The following DSCAM variants were observed in gnomAD, a reference collection of about 807,000 sequenced individuals.
The protein encoded by DSCAM is DS cell adhesion molecule, also known as cell adhesion molecule DSCAM.
In DSCAM, 47 loss-of-function variants were observed where a neutral mutation model predicts 217.7. The ratio of observed to expected loss-of-function variants is 0.22; its 90% confidence interval spans 0.17 to 0.28. The LOEUF is 0.28. DSCAM is among the 10% of genes least tolerant of loss of function. The probability of loss-of-function intolerance (pLI) is 1.00; values close to 1 mark genes in which losing one functional copy is unlikely to be tolerated. For synonymous variants in DSCAM, 1,056 were observed against 1,015.3 expected (o/e 1.04, Z -0.76); for missense variants, 2,080 against 2,618.3 (o/e 0.79, Z 4.49).
chr21:40,457,810 A>G (rs748254410), intron 3 of DSCAM, among the ~76,000 whole-genome samples: 6 of 152,204 alleles, frequency 3.9e-5, no homozygotes, highest in Non-Finnish European at 8.8e-5. Flanking sequence ...AGTATTTACA[A>G]ATATCAAATA....
chr21:40,417,832 CA>C (rs200012919), intron 3 of DSCAM, among the ~76,000 whole-genome samples: 31 of 150,996 alleles, frequency 2.1e-4, no homozygotes, highest in South Asian at 4.2e-4. Context: ...TAACAAAATA[CA>C]AAAAAAAAGT....
At chr21:40,209,275 CA>C (rs2091158293) in intron 11 of DSCAM, among the ~76,000 whole-genome samples, 1 of 152,156 alleles carries the variant, frequency 6.6e-6, no homozygotes, top group Non-Finnish European at 1.5e-5. Flanking sequence ...GGTGTGTGGC[CA>C]ACCCTGGACC....
intron 3 of DSCAM, among the ~76,000 whole-genome samples, chr21:40,597,234 G>A (rs2077027884): frequency 6.6e-6 from 1 of 152,086 alleles, no homozygotes; most frequent in South Asian, 2.1e-4. Context: ...CTGACTGGAG[G>A]GCACTGCTAC....
At chr21:40,524,517 G>A (rs1007383154) in intron 3 of DSCAM, among the ~76,000 whole-genome samples, 4 of 151,692 alleles carry the variant, frequency 2.6e-5, no homozygotes, top group South Asian at 2.1e-4. Flanking sequence ...ATTTTTCAGC[G>A]CTTTCTGTGT....
chr21:40,529,404 C>T (rs1430663659), intron 3 of DSCAM, among the ~76,000 whole-genome samples: 2 of 152,194 alleles, frequency 1.3e-5, no homozygotes, highest in African/African-American at 4.8e-5. Context: ...GCACAGGAAT[C>T]ATATTTGCAC....
intron 11 of DSCAM, among the ~76,000 whole-genome samples, chr21:40,262,142 A>G (rs2073461651): frequency 6.6e-6 from 1 of 152,050 alleles, no homozygotes; most frequent in South Asian, 2.1e-4. Context: ...AAGAAAAGAG[A>G]CCTCAGAATA....
chr21:40,615,537 T>TC (rs947060797), intron 3 of DSCAM: 1 of 152,080 alleles, frequency 6.6e-6, no homozygotes, highest in Non-Finnish European at 1.5e-5. Context: ...GGCTAAATAT[T>TC]CCCCAACAAA....
intron 15 of DSCAM, among the ~76,000 whole-genome samples, chr21:40,170,708 G>C (rs542983310): frequency 2.6e-5 from 4 of 152,258 alleles, no homozygotes; most frequent in Admixed American, 2.0e-4. Context: ...AAAAGCACAC[G>C]GTTTTCCATA....
chr21:40,241,941 AATG>A (rs577292463), intron 11 of DSCAM, among the ~76,000 whole-genome samples: 141 of 152,306 alleles, frequency 9.3e-4, no homozygotes, highest in African/African-American at 3.2e-3. Context: ...GTGGGAGCTA[AATG>A]ATGAGAACTT....
intron 3 of DSCAM, among the ~76,000 whole-genome samples, chr21:40,673,963 A>G (rs1337432011): frequency 1.3e-5 from 2 of 152,228 alleles, no homozygotes; most frequent in African/African-American, 4.8e-5. Flanking sequence ...ATGGACTAAT[A>G]CATCTAAAAA....
intron 32 of DSCAM, among the ~76,000 whole-genome samples, chr21:40,023,088 G>A (rs1324508578): frequency 4.2e-5 from 6 of 142,136 alleles, no homozygotes; most frequent in Non-Finnish European, 6.0e-5. Context: ...TGATCTCATT[G>A]TTCAATTCCC....
At chr21:40,249,207 G>A (rs561489219) in intron 11 of DSCAM, among the ~76,000 whole-genome samples, 1 of 152,312 alleles carries the variant, frequency 6.6e-6, no homozygotes, top group Admixed American at 6.5e-5. Context: ...AGCTGATATG[G>A]TTTGGCTCTG....
intron 1 of DSCAM, among the ~76,000 whole-genome samples, chr21:40,723,780 G>A (rs1176972217): frequency 6.6e-6 from 1 of 152,022 alleles, no homozygotes; most frequent in Non-Finnish European, 1.5e-5. Flanking sequence ...AGGATGAGTG[G>A]CTGACAAAAA....
intron 20 of DSCAM, among the ~76,000 whole-genome samples, chr21:40,115,334 AG>A (rs1389252742): frequency 6.6e-6 from 1 of 152,130 alleles, no homozygotes; most frequent in Non-Finnish European, 1.5e-5. Context: ...AAACGCCGCA[AG>A]TTCTCACTCA....
At chr21:40,452,087 A>C (rs545447725) in intron 3 of DSCAM, among the ~76,000 whole-genome samples, 1 of 152,288 alleles carries the variant, frequency 6.6e-6, no homozygotes, top group Non-Finnish European at 1.5e-5. Context: ...CCCATTATAC[A>C]CAAAATCAAG....
intron 1 of DSCAM, among the ~76,000 whole-genome samples, chr21:40,829,625 C>A (rs1008676028): frequency 6.6e-6 from 1 of 152,106 alleles, no homozygotes; most frequent in African/African-American, 2.4e-5. Flanking sequence ...AGTCAGCTGT[C>A]AAGAGATAGA....
chr21:40,094,545 A>G (rs1206559675), intron 20 of DSCAM, among the ~76,000 whole-genome samples: 2 of 152,184 alleles, frequency 1.3e-5, no homozygotes, highest in Admixed American at 1.3e-4. Context: ...ATGTGAGGAA[A>G]CTACCCAAGG....
At chr21:40,286,403 G>A (rs988028395) in intron 10 of DSCAM, among the ~76,000 whole-genome samples, 13 of 152,124 alleles carry the variant, frequency 8.5e-5, no homozygotes, top group Admixed American at 7.9e-4. Context: ...ACTCAGGCAC[G>A]AGGCTGGCGC....
intron 1 of DSCAM, among the ~76,000 whole-genome samples, chr21:40,718,518 T>G (rs2090867582): frequency 6.6e-6 from 1 of 152,134 alleles, no homozygotes; most frequent in South Asian, 2.1e-4. Flanking sequence ...AGTGAACTTG[T>G]GCAGGAAAAC....
Sources: gnomAD v4.1 joint callset for allele counts (sites outside exome capture counted in the v4.1 genomes callset) on GRCh38, gnomAD v4.1.1 for gene constraint, MANE v1.5 for transcripts, NCBI Gene and HGNC (gene_info 2026-07-23, HGNC 2026-07-21) for gene names.